Variants in RBFOX1 observed in about 807,000 individuals in gnomAD.
RBFOX1 encodes the protein RNA binding protein fox-1 homolog 1.
A neutral mutation model predicts 57.7 loss-of-function variants in RBFOX1; 8 were observed. That is an observed-to-expected ratio of 0.14 (90% CI 0.08 to 0.25). The LOEUF (loss-of-function observed/expected upper bound fraction) is 0.25, where lower values mean the gene tolerates loss of function less well. RBFOX1 is among the 10% of genes least tolerant of loss of function. The pLI, the probability that RBFOX1 is intolerant of heterozygous loss-of-function variation, is 1.00. For synonymous variants in RBFOX1, 326 were observed against 222.4 expected (o/e 1.47, Z -4.15); for missense variants, 611 against 548.5 (o/e 1.11, Z -1.14).
chr16:6,945,235 C>G (rs11866492), intron 3 of RBFOX1, among the ~76,000 whole-genome samples: 31,415 of 151,992 alleles, frequency 0.21, 3,483 homozygotes, highest in Middle Eastern at 0.3. Flanking sequence ...GCCACTTAAT[C>G]TTCACGTGTC....
chr16:6,239,178 A>C lies in RBFOX1; in HGVS notation c.-126-77817A>C, dbSNP rs935214043. ...GCTTATTCAATGATTGGAATAAATA[A>C]CGGTATGAATGAATGAATAGCCCTC... On this transcript the variant is annotated intron_variant, in intron 1 of 15. Coordinates refer to ENST00000550418, the MANE Select transcript of RBFOX1 (RefSeq NM_018723.4). Among the ~76,000 whole-genome samples the C allele has an allele frequency of 2.5e-4, 38 of 152,254 alleles. 1 individual carries two copies. In the East Asian group the frequency reaches 6.2e-3, roughly 25 times the overall value.
chr16:6,756,297 T>G (rs754864307), intron 3 of RBFOX1, among the ~76,000 whole-genome samples: 14 of 152,166 alleles, frequency 9.2e-5, no homozygotes, highest in Admixed American at 6.6e-4. Context: ...CAAGACCCTA[T>G]TTCTTACCGT....
At chr16:7,407,373 G>GGGGT (rs1011842452) in intron 4 of RBFOX1, among the ~76,000 whole-genome samples, 21 of 149,556 alleles carry the variant, frequency 1.4e-4, no homozygotes, top group African/African-American at 5.0e-4. Context: ...GATTTGTATG[G>GGGGT]GTGTGTGTGT....
chr16:6,553,696 C>A (rs1220802040), intron 2 of RBFOX1, among the ~76,000 whole-genome samples: 1 of 152,058 alleles, frequency 6.6e-6, no homozygotes, highest in Non-Finnish European at 1.5e-5. Flanking sequence ...AAGGATGGGC[C>A]ACTTCTATGA....
intron 4 of RBFOX1, among the ~76,000 whole-genome samples, chr16:5,993,399 CAG>C (rs61066524): frequency 0.24 from 16,196 of 67,006 alleles, 1,230 homozygotes; most frequent in East Asian, 0.47. Flanking sequence ...GAGAGAGAGA[CAG>C]AGAGAGAGAG....
chr16:6,134,683 A>ATTTTTTTTTTTT lies in RBFOX1; in HGVS notation c.-127+114692_-127+114703dup, dbSNP rs61209958. 1.1e-3 allele frequency among the ~76,000 whole-genome samples: 163 copies of ATTTTTTTTTTTT among 143,502 alleles called. 1 individual carries two copies. In the East Asian group the frequency reaches 0.018, roughly 16 times the overall value. 94.1% of individuals were successfully genotyped at this position (143,502 alleles called of 152,430 possible). A position where few individuals can be genotyped will look rare whatever the true frequency, so the allele number is the denominator to read the frequency against. ...CAATCTTTGTGCTTGAACTCAGAGTATTTTTTTTTTTTGAAATGGAGTCTC... is the reference window on the plus strand; with the variant it reads ...CAATCTTTGTGCTTGAACTCAGAGTATTTTTTTTTTTTTTTTTTTTTTTTGAAATGGAGTCTC... On this transcript the variant is annotated intron_variant, in intron 1 of 15. Coordinates refer to ENST00000550418, the MANE Select transcript of RBFOX1 (RefSeq NM_018723.4).
intron 2 of RBFOX1, among the ~76,000 whole-genome samples, chr16:6,652,406 C>A (rs1186438864): frequency 6.6e-6 from 1 of 151,936 alleles, no homozygotes; most frequent in East Asian, 1.9e-4. Flanking sequence ...CAAGATCTCG[C>A]CACTGCACTC....
chr16:6,838,119 T>C (rs1031367861), intron 3 of RBFOX1, among the ~76,000 whole-genome samples: 2 of 152,102 alleles, frequency 1.3e-5, no homozygotes, highest in Non-Finnish European at 2.9e-5. Context: ...TATCAACCTG[T>C]TGTCTAGGTT....
chr16:6,180,149 C>T (rs2097051361), intron 1 of RBFOX1, among the ~76,000 whole-genome samples: 1 of 152,122 alleles, frequency 6.6e-6, no homozygotes, highest in Non-Finnish European at 1.5e-5. Context: ...ACAGTAGTCT[C>T]AGATTTCTTC....
At chr16:5,795,671 C>G (rs1189180580) in intron 3 of RBFOX1, among the ~76,000 whole-genome samples, 3 of 152,290 alleles carry the variant, frequency 2.0e-5, no homozygotes, top group Non-Finnish European at 2.9e-5. Flanking sequence ...AATCCTAACT[C>G]AAATATCATT....
At chr16:5,409,970 C>G (rs916116219) in intron 1 of RBFOX1, among the ~76,000 whole-genome samples, 5 of 151,732 alleles carry the variant, frequency 3.3e-5, no homozygotes, top group African/African-American at 9.7e-5. Context: ...ATCATTTGAT[C>G]CCGGGAGGCA....
rs73498734 is a variant in RBFOX1 at position 7,698,743 on chromosome 16, T to C, written c.996-10313T>C. On this transcript the variant is annotated intron_variant, in intron 14 of 15. Transcript: ENST00000550418. ...TTCCAATAAAGTGTGATATGTATTA[T>C]AATAGGGAAAGTACAGGGAGCTAAG... is the stretch of plus-strand genomic sequence containing the variant. 1.8e-3 allele frequency among the ~76,000 whole-genome samples: 273 copies of C among 152,238 alleles called. 1 individual carries two copies. Among genetic ancestry groups the C allele is most frequent in the African/African-American group, 6.1e-3 (253 of 41,536 alleles).
intron 3 of RBFOX1, among the ~76,000 whole-genome samples, chr16:5,661,185 T>C (rs866373962): frequency 2.5e-4 from 38 of 152,214 alleles, no homozygotes; most frequent in African/African-American, 7.5e-4. Context: ...TTCCCAACTT[T>C]AATTATTTTC....
intron 5 of RBFOX1, among the ~76,000 whole-genome samples, chr16:7,545,400 G>A (rs904406463): frequency 6.6e-6 from 1 of 152,028 alleles, no homozygotes; most frequent in Non-Finnish European, 1.5e-5. Context: ...TCTTCGGGGG[G>A]CTTTGATCTC....
intron 3 of RBFOX1, among the ~76,000 whole-genome samples, chr16:6,901,864 G>A (rs958333739): frequency 2.0e-5 from 3 of 152,150 alleles, no homozygotes; most frequent in African/African-American, 4.8e-5. Context: ...AAATGTTCTG[G>A]AGTTCCCCAT....
chr16:7,522,562 C>T (rs957230603), intron 5 of RBFOX1, among the ~76,000 whole-genome samples: 4 of 151,974 alleles, frequency 2.6e-5, no homozygotes, highest in Admixed American at 1.3e-4. Flanking sequence ...GGGCATTGCC[C>T]GTTATAAATA....
intron 10 of RBFOX1, among the ~76,000 whole-genome samples, chr16:7,611,635 G>A (rs1313037038): frequency 6.6e-6 from 1 of 151,616 alleles, no homozygotes; most frequent in East Asian, 1.9e-4. Flanking sequence ...TTGACTCCCC[G>A]AGTATGTTTT....
chr16:5,638,909 G>A (rs1321340822), intron 3 of RBFOX1, among the ~76,000 whole-genome samples: 2 of 152,182 alleles, frequency 1.3e-5, no homozygotes, highest in Non-Finnish European at 2.9e-5. Context: ...TGTGTATCCT[G>A]TGAAACCCAA....
intron 1 of RBFOX1, among the ~76,000 whole-genome samples, chr16:6,243,099 C>G (rs1243668624): frequency 6.6e-6 from 1 of 151,482 alleles, no homozygotes; most frequent in Non-Finnish European, 1.5e-5. Context: ...TTATGATATT[C>G]TTATTAGTAG....
Sources: gnomAD v4.1 joint callset for allele counts (sites outside exome capture counted in the v4.1 genomes callset) on GRCh38, gnomAD v4.1.1 for gene constraint, MANE v1.5 for transcripts, NCBI Gene and HGNC (gene_info 2026-07-23, HGNC 2026-07-21) for gene names.